The following ARID5B variants were observed in gnomAD, a reference collection of about 807,000 sequenced individuals.
ARID5B encodes AT-rich interaction domain 5B, also known as AT-rich interactive domain-containing protein 5B.
In ARID5B, 13 loss-of-function variants were observed where a neutral mutation model predicts 97.2. The ratio of observed to expected loss-of-function variants is 0.13; its 90% CI spans 0.09 to 0.21. ARID5B has a LOEUF of 0.21. Ranked by LOEUF, ARID5B falls within the 10% of genes least tolerant of loss-of-function variation. The probability of loss-of-function intolerance (pLI) is 1.00; values close to 1 mark genes in which losing one functional copy is unlikely to be tolerated. For missense variants in ARID5B, 1,210 were observed against 1,465.3 expected (o/e 0.83, Z 2.84); for synonymous variants, 556 against 570.3 (o/e 0.97, Z 0.36).
chr10:62,011,131 G>A lies in ARID5B; in HGVS notation c.733+10810G>A, dbSNP rs546586678. Among the ~76,000 whole-genome samples, 14 of 152,262 alleles carry A rather than the reference G, an allele frequency of 9.2e-5. No homozygotes were observed. In the South Asian group the frequency reaches 2.7e-3, roughly 29 times the overall value. The stretch of plus-strand genomic sequence containing the variant: ...GGCCTTCTCTTGGGAGAGTTGCATG[G>A]AAGATCCTAGAAAGGCAAGTTCATA... On this transcript the variant is annotated intron_variant, in intron 4 of 9. Transcript: ENST00000279873.
At chr10:61,992,543 T>C (rs910065460) in intron 3 of ARID5B, among the ~76,000 whole-genome samples, 1 of 152,250 alleles carries the variant, frequency 6.6e-6, no homozygotes, top group Non-Finnish European at 1.5e-5. Flanking sequence ...CCCTTGGTTT[T>C]GGGTTTGAAA....
chr10:62,040,859 C>T (rs1228595120), intron 4 of ARID5B, among the ~76,000 whole-genome samples: 1 of 152,136 alleles, frequency 6.6e-6, no homozygotes, highest in South Asian at 2.1e-4. Context: ...ACGTGGCTAG[C>T]GGTGACTGTA....
At chr10:62,020,006 G>T (rs142802425) in intron 4 of ARID5B, among the ~76,000 whole-genome samples, 9 of 152,172 alleles carry the variant, frequency 5.9e-5, no homozygotes, top group Non-Finnish European at 1.3e-4. Flanking sequence ...GAAGAGAAGC[G>T]AGTCTCAGCC....
intron 2 of ARID5B, among the ~76,000 whole-genome samples, chr10:61,939,903 C>T (rs902179890): frequency 2.6e-5 from 4 of 152,174 alleles, no homozygotes; most frequent in African/African-American, 9.7e-5. Flanking sequence ...ACTTGGGCAA[C>T]CAACATTAAA....
intron 2 of ARID5B, among the ~76,000 whole-genome samples, chr10:61,907,000 AT>A (rs1313767988): frequency 1.3e-5 from 2 of 152,248 alleles, no homozygotes; most frequent in African/African-American, 4.8e-5. Context: ...TATCATTAAT[AT>A]TAGCATTAAT....
chr10:61,997,585 A>T (rs1337070049), intron 3 of ARID5B, among the ~76,000 whole-genome samples: 1 of 152,172 alleles, frequency 6.6e-6, no homozygotes, highest in Non-Finnish European at 1.5e-5. Context: ...ATAGAAAGCT[A>T]ATTGCACAAC....
chr10:61,905,152 G>A lies in ARID5B; in HGVS notation c.276+2739G>A, dbSNP rs78323055. On this transcript the variant is annotated intron_variant, in intron 2 of 9. Coordinates refer to ENST00000279873, the MANE Select transcript of ARID5B (RefSeq NM_032199.3). ...TGCAATGTGTAACTGAAAGAGAAAG[G>A]TTTCTTGGTGATATGCACTGTTACT... Among the ~76,000 whole-genome samples, 853 of 152,308 alleles carry A rather than the reference G, an allele frequency of 5.6e-3. 6 individuals carry two copies. Among genetic ancestry groups the A allele is most frequent in the Non-Finnish European group, 0.011 (718 of 68,026 alleles).
intron 4 of ARID5B, among the ~76,000 whole-genome samples, chr10:62,029,804 A>C (rs980034784): frequency 6.6e-6 from 1 of 152,244 alleles, no homozygotes; most frequent in African/African-American, 2.4e-5. Flanking sequence ...TAATGGACTC[A>C]ATTAATCATG....
intron 5 of ARID5B, among the ~76,000 whole-genome samples, chr10:62,052,124 G>A (rs1461138737): frequency 6.6e-6 from 1 of 152,124 alleles, no homozygotes; most frequent in Non-Finnish European, 1.5e-5. Flanking sequence ...ATTCCAAAGG[G>A]TTAAGAAGAG....
In ARID5B at chr10:62,093,178, G is replaced by A. The variant is rs1840411820; in HGVS notation, c.*148G>A. The A allele has an allele frequency of 2.1e-5, 26 of 1,215,716 alleles. No individual in the cohort carries two copies. The highest frequency in any genetic ancestry group is 2.8e-5 in the Non-Finnish European group (25 of 898,380). The allele number at this position is 1,215,716 out of a possible 1,614,324, so 75.3% of individuals were successfully genotyped here. A position where few individuals can be genotyped will look rare whatever the true frequency, so the allele number is the denominator to read the frequency against. ...AGCTGTAGGGGCCCAGAGGGGAGGT[G>A]AACATGCCTGATTTTTGTGGGACAA... On this transcript the variant is annotated 3_prime_UTR_variant, in exon 10 of 10. Coordinates refer to ENST00000279873, the MANE Select transcript of ARID5B (RefSeq NM_032199.3).
intron 9 of ARID5B, among the ~76,000 whole-genome samples, chr10:62,086,307 G>A (rs1474599946): frequency 6.6e-6 from 1 of 152,106 alleles, no homozygotes; most frequent in Non-Finnish European, 1.5e-5. Context: ...ACATATTTTG[G>A]GGCTGGACAT....
intron 3 of ARID5B, among the ~76,000 whole-genome samples, chr10:61,954,550 A>T (rs1838365847): frequency 6.6e-6 from 1 of 152,134 alleles, no homozygotes; most frequent in Non-Finnish European, 1.5e-5. Flanking sequence ...ACTCTGGATG[A>T]TCACATGTAA....
chr10:61,948,508 A>C (rs573979403), intron 3 of ARID5B, among the ~76,000 whole-genome samples: 98 of 149,452 alleles, frequency 6.6e-4, no homozygotes, highest in African/African-American at 2.3e-3. Context: ...CTGGGACTAC[A>C]GGTGCGCGCC....
intron 4 of ARID5B, among the ~76,000 whole-genome samples, chr10:62,034,682 A>G (rs971856657): frequency 6.6e-6 from 1 of 152,232 alleles, no homozygotes; most frequent in Non-Finnish European, 1.5e-5. Context: ...TCAAGATAAA[A>G]GCATTATTTA....
rs1465882867 is a variant in ARID5B, at chr10:62,092,981, C to A, written c.3518C>A (p.Ala1173Asp). ...YPLAAINPQAAFPSSQLSSVH... is the reference protein window; with the variant it reads ...YPLAAINPQADFPSSQLSSVH... ...TTAGCTGCTATAAATCCTCAAGCTGCCTTTCCATCTTCCCAGCTGTCATCC... is the reference window on the plus strand; with the variant it reads ...TTAGCTGCTATAAATCCTCAAGCTGACTTTCCATCTTCCCAGCTGTCATCC... Residue 1173 changes from alanine (A) to aspartate (D), a missense_variant, in exon 10 of 10, where the codon GCC becomes GAC. By Grantham distance (126) the Ala-to-Asp change is moderately radical. Transcript: ENST00000279873. 1 of 1,613,550 alleles carries A rather than the reference C, an allele frequency of 6.2e-7. No individual in the cohort carries two copies. The highest frequency in any genetic ancestry group is 1.7e-5 in the Admixed American group (1 of 60,006).
intron 4 of ARID5B, among the ~76,000 whole-genome samples, chr10:62,031,221 G>A (rs1016566639): frequency 3.3e-5 from 5 of 152,176 alleles, no homozygotes; most frequent in African/African-American, 9.6e-5. Context: ...ATGACAGAGC[G>A]AGACTCCGTC....
chr10:61,952,477 A>G (rs893452176), intron 3 of ARID5B, among the ~76,000 whole-genome samples: 7 of 152,240 alleles, frequency 4.6e-5, no homozygotes, highest in African/African-American at 1.7e-4. Context: ...AAAAAGTCTT[A>G]ACTCTATAGT....
intron 2 of ARID5B, among the ~76,000 whole-genome samples, chr10:61,929,317 A>G (rs1564604494): frequency 6.6e-6 from 1 of 152,166 alleles, no homozygotes; most frequent in Non-Finnish European, 1.5e-5. Context: ...TGAGTATGCC[A>G]TGCTTTCCTG....
intron 3 of ARID5B, among the ~76,000 whole-genome samples, chr10:61,988,985 A>C (rs1838885506): frequency 7.7e-6 from 1 of 130,334 alleles, no homozygotes; most frequent in Non-Finnish European, 1.5e-5. Context: ...GCTGGAGTGC[A>C]ATGGTGCAAT....
Sources: gnomAD v4.1 joint callset for allele counts (sites outside exome capture counted in the v4.1 genomes callset) on GRCh38, gnomAD v4.1.1 for gene constraint, MANE v1.5 for transcripts, NCBI Gene and HGNC (gene_info 2026-07-23, HGNC 2026-07-21) for gene names.